The following TACR1 variants were observed in gnomAD, a reference collection of about 807,000 sequenced individuals.
The protein encoded by TACR1 is substance-P receptor.
In TACR1, 25 loss-of-function variants were observed where a neutral mutation model predicts 35.8. The ratio of observed to expected loss-of-function variants is 0.70; its 90% CI spans 0.51 to 0.98. TACR1 has a LOEUF of 0.98. Among genes scored for constraint, TACR1 ranks in the 50% least tolerant of loss-of-function variants. The pLI is 0.00. For missense variants in TACR1, 478 were observed against 522.9 expected, an observed-to-expected ratio of 0.91 and a Z score of 0.84; for synonymous variants, 195 against 206.7, an observed-to-expected ratio of 0.94 and a Z score of 0.48.
At chr2:75,088,451 A>T (rs905414748) in intron 2 of TACR1, among the ~76,000 whole-genome samples, 1 of 152,230 alleles carries the variant, frequency 6.6e-6, no homozygotes, top group Non-Finnish European at 1.5e-5. Flanking sequence ...CAACATGGTT[A>T]TATAATTATA....
chr2:75,175,592 C>A (rs1029341577), intron 1 of TACR1, among the ~76,000 whole-genome samples: 4 of 152,140 alleles, frequency 2.6e-5, no homozygotes, highest in Non-Finnish European at 5.9e-5. Context: ...TCAAAGCCAG[C>A]AGCATAGCAT....
intron 1 of TACR1, among the ~76,000 whole-genome samples, chr2:75,181,060 T>A (rs1218567351): frequency 6.6e-6 from 1 of 152,208 alleles, no homozygotes; most frequent in African/African-American, 2.4e-5. Flanking sequence ...CTCTTTACTC[T>A]CTTGCAAACA....
chr2:75,106,663 A>T (rs1673649827), intron 2 of TACR1, among the ~76,000 whole-genome samples: 1 of 151,998 alleles, frequency 6.6e-6, no homozygotes, highest in Non-Finnish European at 1.5e-5. Context: ...TTATGTCAAT[A>T]GTTGTCAATA....
rs545466166 is a variant in TACR1, at chr2:75,134,732, G to A, written c.390-13964C>T. On this transcript the variant is annotated intron_variant, in intron 1 of 4. Transcript: ENST00000305249. The stretch of plus-strand genomic sequence containing the variant: ...TTCATTAGATGCTTATCAGGAGTCA[G>A]TATTGTATCTTCTATTTCATTGAAT... 5.3e-5 allele frequency among the ~76,000 whole-genome samples: 8 copies of A among 152,344 alleles called. No individual in the cohort carries two copies. In the East Asian group the frequency reaches 1.5e-3, roughly 29 times the overall value.
intron 2 of TACR1, among the ~76,000 whole-genome samples, chr2:75,074,127 A>G (rs1672933608): frequency 6.6e-6 from 1 of 152,182 alleles, no homozygotes; most frequent in African/African-American, 2.4e-5. Context: ...TATTTACGAA[A>G]TGGAAATGAA....
chr2:75,050,667 G>A (rs1672446477), intron 4 of TACR1, among the ~76,000 whole-genome samples: 1 of 152,204 alleles, frequency 6.6e-6, no homozygotes, highest in South Asian at 2.1e-4. Flanking sequence ...CTTTGACTAA[G>A]TGAGGGCAGG....
intron 2 of TACR1, among the ~76,000 whole-genome samples, chr2:75,064,579 AGAGTGC>A (rs1016072708): frequency 6.6e-6 from 1 of 152,240 alleles, no homozygotes; most frequent in Non-Finnish European, 1.5e-5. Context: ...GGGGCGAGAA[AGAGTGC>A]GAGTGCACCT....
chr2:75,174,487 G>T (rs1675366434), intron 1 of TACR1, among the ~76,000 whole-genome samples: 1 of 152,204 alleles, frequency 6.6e-6, no homozygotes, highest in Non-Finnish European at 1.5e-5. Flanking sequence ...GAGTGGGACA[G>T]TGTGAAACTT....
At chr2:75,191,506 C>T (rs926970312) in intron 1 of TACR1, among the ~76,000 whole-genome samples, 3 of 152,066 alleles carry the variant, frequency 2.0e-5, no homozygotes, top group Non-Finnish European at 4.4e-5. Context: ...TAAGCACCTC[C>T]TCCAATCGGA....
chr2:75,125,617 G>T (rs1674057392), intron 1 of TACR1, among the ~76,000 whole-genome samples: 1 of 152,200 alleles, frequency 6.6e-6, no homozygotes, highest in South Asian at 2.1e-4. Context: ...GCACATAGCA[G>T]TGGCTTCATG....
At chr2:75,129,798 G>A (rs1056456903) in intron 1 of TACR1, among the ~76,000 whole-genome samples, 5 of 152,174 alleles carry the variant, frequency 3.3e-5, no homozygotes, top group African/African-American at 7.2e-5. Flanking sequence ...CAAGTGGTAA[G>A]CATGTTTTCT....
intron 2 of TACR1, among the ~76,000 whole-genome samples, chr2:75,084,581 A>G (rs1317920151): frequency 6.6e-6 from 1 of 152,214 alleles, no homozygotes; most frequent in African/African-American, 2.4e-5. Flanking sequence ...TTGGTAAGCT[A>G]TTAATTATTG....
chr2:75,149,006 A>C (rs910152266), intron 1 of TACR1, among the ~76,000 whole-genome samples: 9 of 152,074 alleles, frequency 5.9e-5, no homozygotes, highest in African/African-American at 2.2e-4. Flanking sequence ...TGTTTTTGTC[A>C]AGTTTGTCAA....
chr2:75,099,537 A>G (rs1034605021), intron 2 of TACR1, among the ~76,000 whole-genome samples: 8 of 151,966 alleles, frequency 5.3e-5, no homozygotes, highest in African/African-American at 1.5e-4. Flanking sequence ...TCCTCCTTCT[A>G]TGATACTCAT....
intron 1 of TACR1, among the ~76,000 whole-genome samples, chr2:75,132,282 T>C (rs1024219528): frequency 1.3e-5 from 2 of 152,202 alleles, no homozygotes; most frequent in African/African-American, 4.8e-5. Context: ...TTTTGTCTTC[T>C]TAGTTTTATC....
At chr2:75,077,518 A>G (rs889561822) in intron 2 of TACR1, among the ~76,000 whole-genome samples, 3 of 152,216 alleles carry the variant, frequency 2.0e-5, no homozygotes, top group Admixed American at 1.3e-4. Flanking sequence ...GTATCTGATA[A>G]TTGATGTGGG....
At chr2:75,168,528 C>T (rs1225906118) in intron 1 of TACR1, among the ~76,000 whole-genome samples, 1 of 152,146 alleles carries the variant, frequency 6.6e-6, no homozygotes, top group Admixed American at 6.5e-5. Context: ...ATGCCTTTGG[C>T]CTCTAGAAGC....
chr2:75,173,667 TGCAG>T (rs1198653903), intron 1 of TACR1, among the ~76,000 whole-genome samples: 8 of 152,198 alleles, frequency 5.3e-5, no homozygotes, highest in Non-Finnish European at 1.2e-4. Context: ...CTAACCTTCC[TGCAG>T]GAGTGAGCCT....
intron 1 of TACR1, among the ~76,000 whole-genome samples, chr2:75,179,646 G>A (rs919766046): frequency 3.3e-5 from 5 of 152,200 alleles, no homozygotes; most frequent in Admixed American, 2.6e-4. Flanking sequence ...CTTGGTAATG[G>A]ACTATGAAGA....
Sources: allele counts gnomAD v4.1 joint callset (sites outside exome capture counted in the v4.1 genomes callset), GRCh38; gene constraint gnomAD v4.1.1; transcripts MANE v1.5; gene names NCBI Gene and HGNC (gene_info 2026-07-23, HGNC 2026-07-21).